NLRP10: variants seen among roughly 807,000 people sequenced by gnomAD.
NLRP10 encodes the protein NACHT, LRR and PYD domains-containing protein 10.
Under a neutral mutation model 8.2 loss-of-function variants are expected in NLRP10, and 7 were observed. That is an observed-to-expected ratio of 0.85 (90% confidence interval 0.48 to 1.60). The LOEUF is 1.60. Ranked by LOEUF, NLRP10 falls within the 40% of genes most tolerant of loss-of-function variation. NLRP10 has a pLI of 0.00. For synonymous variants in NLRP10, 338 were observed against 314.0 expected, an observed-to-expected ratio of 1.08 and a Z score of -0.81; for missense variants, 814 against 776.3, an observed-to-expected ratio of 1.05 and a Z score of -0.58.
At chr11:7,963,758 G>GCAAA in intron 1 of NLRP10, 1 of 524,858 alleles carries the variant, frequency 1.9e-6, no homozygotes, top group Non-Finnish European at 3.4e-6. Flanking sequence ...GGGTAGGAAG[G>GCAAA]TATGTAGGTG....
rs1179509489 is a variant in NLRP10 at position 7,959,164 on chromosome 11, C to T, written c.*480G>A. ...TGTGGATGTCCAGTTATTTCAGCAC[C>T]ATTTGTTGAAAAGAGTAAACTTTCT... On this transcript the variant is annotated 3_prime_UTR_variant, in exon 3 of 3. Transcript: ENST00000691676. 6.6e-6 allele frequency among the ~76,000 whole-genome samples: 1 copy of T among 152,104 alleles called. No individual in the cohort carries two copies. Among genetic ancestry groups the T allele is most frequent in the Non-Finnish European group, 1.5e-5 (1 of 68,014 alleles).
chr11:7,960,295 A>C lies in NLRP10; in HGVS notation c.1317T>G (p.Asp439Glu), dbSNP rs745725960. The change falls in exon 3 of 3, where the codon GAT becomes GAG. Residue 439 changes from aspartate (D) to glutamate (E), a missense_variant. Asp to Glu is a conservative substitution (Grantham distance 45). Coordinates refer to ENST00000691676, the MANE Select transcript of NLRP10 (RefSeq NM_001391958.1). Reference protein sequence around the residue: ...EEAELRKHNLDGPRLAAFLSS... With the variant: ...EEAELRKHNLEGPRLAAFLSS... Reference sequence around the variant, plus strand: ...TCAGGAAAGCGGCAAGCCTGGGGCCATCTAAATTATGTTTCCTGAGCTCAG... The same window carrying C: ...TCAGGAAAGCGGCAAGCCTGGGGCCCTCTAAATTATGTTTCCTGAGCTCAG... The C allele has an allele frequency of 6.2e-7, 1 of 1,614,132 alleles. No homozygotes were observed. The highest frequency in any genetic ancestry group is 1.7e-5 in the Admixed American group (1 of 60,010).
intron 1 of NLRP10, among the ~76,000 whole-genome samples, chr11:7,963,944 C>T (rs989457843): frequency 6.6e-6 from 1 of 151,992 alleles, no homozygotes; most frequent in Non-Finnish European, 1.5e-5. Flanking sequence ...TTTTTGGAGA[C>T]AGAGTCTACC....
chr11:7,959,630 A>G lies in NLRP10; in HGVS notation c.*14T>C. ...CATTTTCCTCATAGAGATCTTGTACATATTTAATTAGGTTTATATGTAAGT... is the reference window on the plus strand; with the variant it reads ...CATTTTCCTCATAGAGATCTTGTACGTATTTAATTAGGTTTATATGTAAGT... On this transcript the variant is annotated 3_prime_UTR_variant, in exon 3 of 3. Transcript: ENST00000691676. The G allele has an allele frequency of 2.3e-6, 3 of 1,305,776 alleles. No individual in the cohort carries two copies. The highest frequency in any genetic ancestry group is 3.2e-6 in the Non-Finnish European group (3 of 938,566). 80.9% of individuals were successfully genotyped at this position (1,305,776 alleles called of 1,614,324 possible).
In NLRP10 at chr11:7,958,862, A is replaced by AT. The variant is rs952126060; in HGVS notation, c.*781dup. ...TTATTGAGTTTTAAGAGCTATTTGT[A>AT]TTTTTTTTTACCCAAGTCTTTTATC... On this transcript the variant is annotated 3_prime_UTR_variant, in exon 3 of 3. Transcript: ENST00000691676. Among the ~76,000 whole-genome samples the AT allele has an allele frequency of 4.0e-5, 6 of 151,264 alleles. No individual in the cohort carries two copies. In the East Asian group the frequency reaches 5.8e-4, roughly 15 times the overall value.
Position 7,961,296 on chromosome 11 carries a change from C to T in NLRP10, c.316G>A (p.Val106Met), listed in dbSNP as rs1331788860. The change falls in exon 3 of 3, where the codon GTG becomes ATG. Residue 106 changes from valine to methionine, a missense_variant. By Grantham distance (21) the Val-to-Met change is conservative (BLOSUM62 1). Transcript: ENST00000691676. The part of the protein sequence containing the change: ...HDYREVYREH[V>M]RCLEEWQEAG... ...TCCTGCCATTCCTCTAGGCAGCGCA[C>T]ATGCTCTCGGTATACTTCTCTGTAA... 3 of 1,589,184 alleles carry T rather than the reference C, an allele frequency of 1.9e-6. No individual in the cohort carries two copies. The highest frequency in any genetic ancestry group is 4.5e-5 in the East Asian group (2 of 44,458).
At position 7,958,793 on chromosome 11, in the gene NLRP10, C is replaced by T. The variant is rs1178666063; in HGVS notation, c.*851G>A. Among the ~76,000 whole-genome samples the T allele has an allele frequency of 1.3e-5, 2 of 152,188 alleles. No homozygotes were observed. Among genetic ancestry groups the T allele is most frequent in the Non-Finnish European group, 2.9e-5 (2 of 68,036 alleles). Reference sequence around the variant, plus strand: ...TCGGTCTCTTGACCTCGTGATCCACCAGCCTGGGCCTCCTACTCACTTTTT... The same window carrying T: ...TCGGTCTCTTGACCTCGTGATCCACTAGCCTGGGCCTCCTACTCACTTTTT... On this transcript the variant is annotated 3_prime_UTR_variant, in exon 3 of 3. Coordinates refer to ENST00000691676, the MANE Select transcript of NLRP10 (RefSeq NM_001391958.1).
At chr11:7,961,598 G>A (rs555581469) in intron 2 of NLRP10, among the ~76,000 whole-genome samples, 28 of 152,288 alleles carry the variant, frequency 1.8e-4, no homozygotes, top group African/African-American at 6.5e-4. Context: ...ACATGTGCTC[G>A]TGGACCTTCA....
At chr11:7,961,489 A>T (rs910083574) in intron 2 of NLRP10, among the ~76,000 whole-genome samples, 167 bp from the exon 3 acceptor site, 3 of 151,970 alleles carry the variant, frequency 2.0e-5, no homozygotes, top group African/African-American at 7.3e-5. Context: ...TGTGTGCATG[A>T]GTGTGTGTGT....
chr11:7,960,076 G>A lies in NLRP10; in HGVS notation c.1536C>T (p.Leu512=). The A allele has an allele frequency of 6.2e-7, 1 of 1,614,134 alleles. No homozygotes were observed. The highest frequency in any genetic ancestry group is 8.5e-7 in the Non-Finnish European group (1 of 1,180,010). ...AGATGTCCAGTAAAAACTGCATAGTGAGGGTCATCTCATCATTCCCTTCCT... is the reference window on the plus strand; with the variant it reads ...AGATGTCCAGTAAAAACTGCATAGTAAGGGTCATCTCATCATTCCCTTCCT... The part of the protein sequence containing the change: ...KEQEGNDEMT[L]TMQFLLDISK... Residue 512 remains leucine (L), a synonymous_variant, in exon 3 of 3, where the codon CTC becomes CTT. Transcript: ENST00000691676.
rs1169611114 is a variant in NLRP10 at position 7,958,040 on chromosome 11, T to G, written c.*1604A>C. ...TAAGGCTTCTCCATATCTTTTCATG[T>G]CTTAATTGCTCATTTATTTTTATCA... On this transcript the variant is annotated 3_prime_UTR_variant, in exon 3 of 3. Transcript: ENST00000691676. 6.6e-6 allele frequency among the ~76,000 whole-genome samples: 1 copy of G among 152,224 alleles called. No homozygotes were observed. Among genetic ancestry groups the G allele is most frequent in the Admixed American group, 6.5e-5 (1 of 15,280 alleles).
At chr11:7,963,781 A>ACT in intron 1 of NLRP10, 9 of 228,360 alleles carry the variant, frequency 3.9e-5, no homozygotes, top group South Asian at 8.0e-5. Flanking sequence ...TTAATCTCTC[A>ACT]ATCTCTCTCT....
In NLRP10 at chr11:7,960,830, T is replaced by C; in HGVS notation, c.782A>G (p.Lys261Arg). ...FDELQRPFEEKLKKRGLSPKE... is the reference protein window; with the variant it reads ...FDELQRPFEERLKKRGLSPKE... ...GGGACTCAAACCCCTCTTCTTCAAC[T>C]TTTCTTCAAAGGGCCTCTGCAGCTC... Residue 261 changes from lysine to arginine, a missense_variant, in exon 3 of 3, where the codon AAG becomes AGG. Coordinates refer to ENST00000691676, the MANE Select transcript of NLRP10 (RefSeq NM_001391958.1). 1 of 1,614,052 alleles carries C rather than the reference T, an allele frequency of 6.2e-7. No homozygotes were observed. Among genetic ancestry groups the C allele is most frequent in the South Asian group, 1.1e-5 (1 of 91,082 alleles).
Position 7,960,109 on chromosome 11 carries a change from T to C in NLRP10, c.1503A>G (p.Val501=). The part of the protein sequence containing the change: ...SRREVQRLLE[V]KEQEGNDEMT... ...TCTCATCATTCCCTTCCTGCTCCTT[T>C]ACCTCCAGCAGCCTTTGCACTTCTC... Residue 501 remains valine (V), a synonymous_variant, in exon 3 of 3, where the codon GTA becomes GTG. Coordinates refer to ENST00000691676, the MANE Select transcript of NLRP10 (RefSeq NM_001391958.1). 1 of 1,614,144 alleles carries C rather than the reference T, an allele frequency of 6.2e-7. No individual in the cohort carries two copies. Among genetic ancestry groups the C allele is most frequent in the Non-Finnish European group, 8.5e-7 (1 of 1,180,006 alleles).
rs1446771095 is a variant in NLRP10, at chr11:7,960,531, A to G, written c.1081T>C (p.Cys361Arg). 1 of 1,614,206 alleles carries G rather than the reference A, an allele frequency of 6.2e-7. No individual in the cohort carries two copies. Among genetic ancestry groups the G allele is most frequent in the South Asian group, 1.1e-5 (1 of 91,084 alleles). The change falls in exon 3 of 3, where the codon TGC (cysteine) becomes CGC (arginine). Residue 361 changes from cysteine to arginine, a missense_variant. By Grantham distance (180) the Cys-to-Arg change is radical (BLOSUM62 -3). Transcript: ENST00000691676. ...CQVPGICWVV[C>R]SWLQGQMERG... ...TCCATCTGCCCCTGCAGCCAGGAGC[A>G]GACCACCCAGCAAATGCCTGGAACC...
In NLRP10 at chr11:7,960,227, T is replaced by C. The variant is rs775635853; in HGVS notation, c.1385A>G (p.Tyr462Cys). The C allele has an allele frequency of 1.2e-6, 2 of 1,614,136 alleles. No individual in the cohort carries two copies. The highest frequency in any genetic ancestry group is 2.2e-5 in the South Asian group (2 of 91,084). ...CTGGAAGCTGATGTGGCGGAAGCTGTAGAACTTCTTGATGGCAAGTCCCAA... is the reference window on the plus strand; with the variant it reads ...CTGGAAGCTGATGTGGCGGAAGCTGCAGAACTTCTTGATGGCAAGTCCCAA... The part of the protein sequence containing the change: ...YQLGLAIKKF[Y>C]SFRHISFQDF... The change falls in exon 3 of 3, where the codon TAC becomes TGC. Residue 462 changes from tyrosine to cysteine, a missense_variant. Tyr to Cys is a radical substitution (Grantham distance 194, BLOSUM62 -2). Coordinates refer to ENST00000691676, the MANE Select transcript of NLRP10 (RefSeq NM_001391958.1).
Position 7,960,984 on chromosome 11 carries a change from C to A in NLRP10, c.628G>T (p.Glu210Ter), listed in dbSNP as rs753084569. 11 of 1,614,052 alleles carry A rather than the reference C, an allele frequency of 6.8e-6. No individual in the cohort carries two copies. Among genetic ancestry groups the A allele is most frequent in the Admixed American group, 1.7e-5 (1 of 59,990 alleles). The stretch of plus-strand genomic sequence containing the variant: ...TTGCTCTCCAGCAGCAGGACCACTT[C>A]TTTGCAGCTTACATAAAAGACATAA... ...FDYVFYVSCKEVVLLLESKLE... is the reference protein window; with the variant it reads ...FDYVFYVSCK The change falls in exon 3 of 3, where the codon GAA (glutamate) becomes TAA (stop). Residue 210 changes from glutamate to a stop codon, truncating the protein, a stop_gained. Coordinates refer to ENST00000691676, the MANE Select transcript of NLRP10 (RefSeq NM_001391958.1). LOFTEE classifies it low-confidence loss of function (END_TRUNC).
intron 1 of NLRP10, among the ~76,000 whole-genome samples, 176 bp downstream of exon 1, chr11:7,965,070 A>G (rs1941796914): frequency 6.6e-6 from 1 of 152,254 alleles, no homozygotes; most frequent in Non-Finnish European, 1.5e-5. Context: ...GTCATAGGCC[A>G]GTTTGGAAAA....
chr11:7,963,912 G>C (rs1212006543), intron 1 of NLRP10, among the ~76,000 whole-genome samples: 1 of 151,696 alleles, frequency 6.6e-6, no homozygotes, highest in Admixed American at 6.6e-5. Context: ...AGAAAAAAAA[G>C]TCTAAGTTTT....
Sources: gnomAD v4.1 joint callset for allele counts (sites outside exome capture counted in the v4.1 genomes callset) on GRCh38, gnomAD v4.1.1 for gene constraint, MANE v1.5 for transcripts, NCBI Gene and HGNC (gene_info 2026-07-23, HGNC 2026-07-21) for gene names.